Variants in MECOM observed in about 807,000 individuals in gnomAD.
MECOM encodes the protein MDS1 and EVI1 complex locus.
Under a neutral mutation model 116.3 loss-of-function variants are expected in MECOM, and 13 were observed. The ratio of observed to expected loss-of-function variants is 0.11; its 90% CI spans 0.07 to 0.18. The LOEUF (loss-of-function observed/expected upper bound fraction) is 0.18. MECOM is among the 10% of genes least tolerant of loss of function. The probability of loss-of-function intolerance (pLI) is 1.00; values close to 1 mark genes in which losing one functional copy is unlikely to be tolerated. For missense variants in MECOM, 1,299 were observed against 1,509.0 expected, an observed-to-expected ratio of 0.86 and a Z score of 2.31; for synonymous variants, 528 against 535.2, an observed-to-expected ratio of 0.99 and a Z score of 0.19.
chr3:169,263,073 G>T (rs1757745366), intron 2 of MECOM, among the ~76,000 whole-genome samples: 1 of 63,712 alleles, frequency 1.6e-5, no homozygotes, highest in Non-Finnish European at 3.1e-5. Context: ...TTTTTTTCAA[G>T]ATGCTATATA....
intron 2 of MECOM, among the ~76,000 whole-genome samples, chr3:169,212,874 G>C (rs1458664920): frequency 6.6e-6 from 1 of 150,930 alleles, no homozygotes; most frequent in Admixed American, 6.6e-5. Context: ...ATGCTCTCCT[G>C]CCTGGTTTTC....
At chr3:169,609,084 G>A (rs1768940115) in intron 1 of MECOM, among the ~76,000 whole-genome samples, 1 of 152,150 alleles carries the variant, frequency 6.6e-6, no homozygotes, top group Non-Finnish European at 1.5e-5. Flanking sequence ...AGGAATCTCT[G>A]CAGACATTAC....
intron 2 of MECOM, among the ~76,000 whole-genome samples, chr3:169,175,423 A>C (rs1353110912): frequency 6.6e-6 from 1 of 152,178 alleles, no homozygotes; most frequent in Non-Finnish European, 1.5e-5. Flanking sequence ...AATTACTAAA[A>C]ATATTCTATA....
intron 2 of MECOM, among the ~76,000 whole-genome samples, chr3:169,163,969 C>G (rs1208727064): frequency 1.3e-5 from 2 of 152,050 alleles, no homozygotes; most frequent in South Asian, 2.1e-4. Context: ...TGGAGGCCAG[C>G]GAAGCAACAT....
intron 1 of MECOM, among the ~76,000 whole-genome samples, chr3:169,650,193 A>G (rs1774708922): frequency 6.6e-6 from 1 of 152,246 alleles, no homozygotes. Context: ...TTTCCATTAT[A>G]AAAATTTTCC....
chr3:169,603,505 G>A (rs1234720667), intron 1 of MECOM, among the ~76,000 whole-genome samples: 2 of 152,172 alleles, frequency 1.3e-5, no homozygotes, highest in African/African-American at 2.4e-5. Context: ...GCAGTGTACT[G>A]CAAAGTCCAG....
At chr3:169,381,107 C>A in intron 2 of MECOM, 80 bp downstream of exon 2, 1 of 1,256,262 alleles carries the variant, frequency 8.0e-7, no homozygotes, top group South Asian at 1.5e-5. Context: ...ATATAATTTG[C>A]TTATTTTGTG....
chr3:169,088,523 A>G (rs1718600481), intron 16 of MECOM, among the ~76,000 whole-genome samples: 1 of 152,146 alleles, frequency 6.6e-6, no homozygotes, highest in African/African-American at 2.4e-5. Flanking sequence ...TCCTCATTTT[A>G]CTATTAAATT....
At chr3:169,510,992 CAACCCCTGTTA>C (rs941941670) in intron 1 of MECOM, among the ~76,000 whole-genome samples, 26 of 152,298 alleles carry the variant, frequency 1.7e-4, no homozygotes, top group African/African-American at 6.3e-4. Flanking sequence ...CACCACCACC[CAACCCCTGTTA>C]AAATAGGGAC....
At chr3:169,102,532 T>C (rs1465093235) in intron 10 of MECOM, among the ~76,000 whole-genome samples, 1 of 152,206 alleles carries the variant, frequency 6.6e-6, no homozygotes. Context: ...AAAGCCAAGT[T>C]AACTTTTTAT....
At chr3:169,173,666 T>C (rs1309056932) in intron 2 of MECOM, among the ~76,000 whole-genome samples, 3 of 152,220 alleles carry the variant, frequency 2.0e-5, no homozygotes, top group Non-Finnish European at 4.4e-5. Context: ...TCTTCTCCCA[T>C]TTTATAGCAC....
At chr3:169,205,664 G>A (rs1331869314) in intron 2 of MECOM, among the ~76,000 whole-genome samples, 1 of 152,162 alleles carries the variant, frequency 6.6e-6, no homozygotes, top group Non-Finnish European at 1.5e-5. Context: ...GAGGATTCAG[G>A]AAGAGGAAGA....
chr3:169,534,390 C>G (rs2109172850), intron 1 of MECOM, among the ~76,000 whole-genome samples: 2 of 152,166 alleles, frequency 1.3e-5, no homozygotes, highest in African/African-American at 4.8e-5. Flanking sequence ...GATAAAGCAC[C>G]CAGACATACT....
chr3:169,659,291 CA>C (rs1289260558), intron 1 of MECOM, among the ~76,000 whole-genome samples: 1 of 152,006 alleles, frequency 6.6e-6, no homozygotes, highest in Non-Finnish European at 1.5e-5. Context: ...ACTCTATAGC[CA>C]AGACCTGCAA....
At position 169,382,867 on chromosome 3, in the gene MECOM, AAAAAAAT is replaced by A. The variant is rs1297870007; in HGVS notation, c.38-1350_38-1344del. ...CCCATCTCAAAAAAAAAAAAAAATAAAAAAAATAAAAAAAGAAGGTAAAATGGGTTGC... is the reference window on the plus strand; with the variant it reads ...CCCATCTCAAAAAAAAAAAAAAATAAAAAAAAAGAAGGTAAAATGGGTTGC... On this transcript the variant is annotated intron_variant, in intron 1 of 16. Coordinates refer to ENST00000651503, the MANE Select transcript of MECOM (RefSeq NM_004991.4). Among the ~76,000 whole-genome samples, 96 of 83,464 alleles carry A rather than the reference AAAAAAAT, an allele frequency of 1.2e-3. 16 individuals are homozygous for A. The highest frequency in any genetic ancestry group is 4.8e-3 in the East Asian group (7 of 1,464). 54.8% of individuals were successfully genotyped at this position (83,464 alleles called of 152,430 possible).
intron 16 of MECOM, among the ~76,000 whole-genome samples, chr3:169,087,398 A>G (rs910365221): frequency 4.6e-5 from 7 of 152,010 alleles, no homozygotes; most frequent in African/African-American, 1.7e-4. Flanking sequence ...GGAATTTGAG[A>G]CCAGCCTGGG....
intron 5 of MECOM, among the ~76,000 whole-genome samples, chr3:169,124,583 T>C (rs1189985005): frequency 6.6e-6 from 1 of 152,026 alleles, no homozygotes; most frequent in African/African-American, 2.4e-5. Flanking sequence ...TAATGTGGTA[T>C]TGAACTTATG....
At chr3:169,638,582 T>A (rs557500993) in intron 1 of MECOM, among the ~76,000 whole-genome samples, 1 of 152,250 alleles carries the variant, frequency 6.6e-6, no homozygotes, top group Non-Finnish European at 1.5e-5. Context: ...AAGTAATACA[T>A]GGACTTTTGA....
intron 1 of MECOM, among the ~76,000 whole-genome samples, chr3:169,385,956 A>T (rs1733254793): frequency 6.6e-6 from 1 of 152,174 alleles, no homozygotes; most frequent in South Asian, 2.1e-4. Context: ...AATTTGCTTC[A>T]TGCATCCTTT....
Sources: gnomAD v4.1 joint callset for allele counts (sites outside exome capture counted in the v4.1 genomes callset) on GRCh38, gnomAD v4.1.1 for gene constraint, MANE v1.5 for transcripts, NCBI Gene and HGNC (gene_info 2026-07-23, HGNC 2026-07-21) for gene names.